PLCH1: variants seen among roughly 807,000 people sequenced by gnomAD.
PLCH1 encodes the protein 1-phosphatidylinositol 4,5-bisphosphate phosphodiesterase eta-1.
In PLCH1, 60 loss-of-function variants were observed where a neutral mutation model predicts 126.7. The ratio of observed to expected loss-of-function variants is 0.47; its 90% CI spans 0.38 to 0.59. PLCH1 has a LOEUF of 0.59. Among genes scored for constraint, PLCH1 ranks in the 20% least tolerant of loss-of-function variants. The pLI, the probability that PLCH1 is intolerant of heterozygous loss-of-function variation, is 0.00. For missense variants in PLCH1, 1,723 were observed against 2,040.0 expected, an observed-to-expected ratio of 0.84 and a Z score of 2.99; for synonymous variants, 719 against 734.9, an observed-to-expected ratio of 0.98 and a Z score of 0.35.
intron 2 of PLCH1, among the ~76,000 whole-genome samples, chr3:155,627,537 G>A (rs1449896271): frequency 4.0e-5 from 6 of 151,852 alleles, no homozygotes; most frequent in African/African-American, 7.3e-5. Context: ...GGGAGGCTGA[G>A]GTGGGAGAAT....
At chr3:155,567,223 C>T (rs1220465299) in intron 7 of PLCH1, among the ~76,000 whole-genome samples, 3 of 152,086 alleles carry the variant, frequency 2.0e-5, no homozygotes, top group African/African-American at 7.2e-5. Flanking sequence ...CAGGCATGCG[C>T]CACCATGCCC....
chr3:155,600,617 A>G (rs1178780749), intron 2 of PLCH1, among the ~76,000 whole-genome samples: 1 of 147,610 alleles, frequency 6.8e-6, no homozygotes, highest in Non-Finnish European at 1.5e-5. Flanking sequence ...AAAAAAAAAA[A>G]AAAGTTTATT....
chr3:155,502,720 C>T (rs1477209664), intron 13 of PLCH1, among the ~76,000 whole-genome samples: 3 of 152,156 alleles, frequency 2.0e-5, no homozygotes, highest in Admixed American at 6.5e-5. Context: ...TACTTCTCAT[C>T]TTACTTTTTC....
intron 2 of PLCH1, among the ~76,000 whole-genome samples, chr3:155,643,279 G>A (rs145953974): frequency 2.5e-4 from 38 of 152,192 alleles, no homozygotes; most frequent in Non-Finnish European, 4.9e-4. Context: ...ACTATGCTCT[G>A]GGGTTAGCCA....
intron 2 of PLCH1, among the ~76,000 whole-genome samples, chr3:155,639,881 C>T (rs1174272028): frequency 2.6e-5 from 3 of 114,492 alleles, no homozygotes; most frequent in Admixed American, 8.2e-5. Context: ...TGAGTTCTCA[C>T]GAGATCTGGT....
intron 10 of PLCH1, among the ~76,000 whole-genome samples, chr3:155,537,201 C>CAAAAAAAAAAAAA (rs1560128167): frequency 6.8e-5 from 9 of 132,116 alleles, no homozygotes; most frequent in African/African-American, 2.7e-4. Context: ...AAAAAAAAAA[C>CAAAAAAAAAAAAA]CAAAAAAAAA....
At chr3:155,743,729 C>T (rs1363072436) in intron 1 of PLCH1, 1 of 341,880 alleles carries the variant, frequency 2.9e-6, no homozygotes, top group African/African-American at 2.2e-5. Context: ...TTTTGCAGAG[C>T]ATCTCCTTGT....
In PLCH1 at chr3:155,535,208, G is replaced by A. The variant is rs147825599; in HGVS notation, c.1363-11204C>T. 3.3e-5 allele frequency among the ~76,000 whole-genome samples: 5 copies of A among 152,310 alleles called. No homozygotes were observed. In the East Asian group the frequency reaches 9.7e-4, roughly 29 times the overall value. ...AGTAGAACTGGGGAAAGAATACAGG[G>A]AGAAGGAAACTTTGAGATGAACTTT... On this transcript the variant is annotated intron_variant, in intron 10 of 22. Transcript: ENST00000460012.
chr3:155,501,265 C>G (rs1476093996), intron 13 of PLCH1, among the ~76,000 whole-genome samples: 1 of 152,098 alleles, frequency 6.6e-6, no homozygotes, highest in African/African-American at 2.4e-5. Flanking sequence ...GATCAGTATG[C>G]ACTCAAATGA....
chr3:155,467,936 T>C (rs1405432596), intron 21 of PLCH1, among the ~76,000 whole-genome samples: 2 of 152,156 alleles, frequency 1.3e-5, no homozygotes, highest in Non-Finnish European at 2.9e-5. Flanking sequence ...TAATAGTAAG[T>C]ACAGAGAAAA....
intron 2 of PLCH1, among the ~76,000 whole-genome samples, chr3:155,670,158 T>C (rs934582230): frequency 1.3e-4 from 20 of 152,146 alleles, no homozygotes; most frequent in African/African-American, 4.8e-4. Flanking sequence ...AGAAAAAAGA[T>C]TATCAAGGGC....
intron 10 of PLCH1, among the ~76,000 whole-genome samples, chr3:155,531,495 C>T (rs958643441): frequency 1.3e-5 from 2 of 152,098 alleles, no homozygotes; most frequent in East Asian, 1.9e-4. Context: ...CGTGGTGGCA[C>T]GTGCCTGTAA....
intron 10 of PLCH1, among the ~76,000 whole-genome samples, chr3:155,534,014 A>C (rs1001572511): frequency 5.3e-5 from 8 of 152,234 alleles, no homozygotes; most frequent in Admixed American, 3.9e-4. Flanking sequence ...TGGAGCCCTC[A>C]AGGCAGTATG....
chr3:155,690,587 C>A (rs775863354), intron 2 of PLCH1, among the ~76,000 whole-genome samples: 3 of 152,140 alleles, frequency 2.0e-5, no homozygotes, highest in Non-Finnish European at 4.4e-5. Context: ...AATTACCTGC[C>A]AATTCATAGC....
At chr3:155,709,398 G>A (rs927181007) in intron 1 of PLCH1, among the ~76,000 whole-genome samples, 1 of 152,158 alleles carries the variant, frequency 6.6e-6, no homozygotes, top group African/African-American at 2.4e-5. Context: ...ATTTTGCATT[G>A]CTGCCAGCAA....
Position 155,481,336 on chromosome 3 carries a change from G to T in PLCH1, c.4690C>A (p.Arg1564=). ...YSKQDANQLP[R]ALVRKLSSRS... ...GATGACAACTTCCTGACCAGTGCCC[G>T]GGGGAGCTGATTGGCATCCTGCTTT... is the stretch of plus-strand genomic sequence containing the variant. Residue 1564 remains arginine, a synonymous_variant, in exon 23 of 23, where the codon CGG becomes AGG. Transcript: ENST00000460012. This position sits in a 1 kb window ranked among gnomAD's most constrained non-coding sequence, Gnocchi z 4.2. 6.2e-7 allele frequency: 1 copy of T among 1,614,164 alleles called. No homozygotes were observed. The highest frequency in any genetic ancestry group is 8.5e-7 in the Non-Finnish European group (1 of 1,180,004).
rs538700225 is a variant in PLCH1 at position 155,549,958 on chromosome 3, C to A, written c.1191G>T (p.Glu397Asp). The A allele has an allele frequency of 3.7e-6, 6 of 1,613,084 alleles. No homozygotes were observed. The African/African-American group carries it at 6.7e-5, about 18-fold the overall frequency. ...TCTCGATAGACAATATAACAGGAAA[C>A]CTGAGAAAAGAGCAACACAGTCCAG... ...TINKHAFVKN[E>D]FPVILSIENH... is the part of the protein sequence containing the mutation. Residue 397 changes from glutamate (E) to aspartate (D), a missense_variant and splice_region_variant, in exon 10 of 23, where the codon GAG becomes GAT. Transcript: ENST00000460012.
chr3:155,463,988 A>C (rs996864708), intron 21 of PLCH1, among the ~76,000 whole-genome samples: 3 of 152,192 alleles, frequency 2.0e-5, no homozygotes, highest in African/African-American at 7.2e-5. Context: ...GAGCTAGGGA[A>C]AAGGGACAAG....
At chr3:155,527,848 A>G (rs185228770) in intron 10 of PLCH1, among the ~76,000 whole-genome samples, 1 of 149,722 alleles carries the variant, frequency 6.7e-6, no homozygotes, top group African/African-American at 2.5e-5. Flanking sequence ...TGAACCTGGG[A>G]GGCAGAAGTT....
Sources: allele counts gnomAD v4.1 joint callset (sites outside exome capture counted in the v4.1 genomes callset), GRCh38; gene constraint gnomAD v4.1.1; non-coding constraint Gnocchi (gnomAD v3.1); transcripts MANE v1.5; gene names NCBI Gene and HGNC (gene_info 2026-07-23, HGNC 2026-07-21).